The following DIO2 variants were observed in gnomAD, a reference collection of about 807,000 sequenced individuals.
DIO2 encodes the protein type II iodothyronine deiodinase.
DIO2 carries 19 observed loss-of-function variants against 21.4 expected under a neutral mutation model. The ratio of observed to expected loss-of-function variants is 0.89; its 90% CI spans 0.62 to 1.30. The LOEUF (loss-of-function observed/expected upper bound fraction) is 1.30. Ranked by LOEUF, DIO2 falls within the 50% of genes most tolerant of loss-of-function variation. The pLI, the probability that DIO2 is intolerant of heterozygous loss-of-function variation, is 0.00. For missense variants in DIO2, 302 were observed against 338.1 expected, an observed-to-expected ratio of 0.89 and a Z score of 0.84; for synonymous variants, 122 against 132.9, an observed-to-expected ratio of 0.92 and a Z score of 0.57.
intron 2 of DIO2, chr14:80,230,952 A>C (rs1594885670): frequency 6.6e-6 from 1 of 152,406 alleles, no homozygotes; most frequent in East Asian, 1.9e-4. Context: ...GAGCAAGGAC[A>C]GTCAGTCTGA....
At chr14:80,217,701 T>A (rs1359693420) in intron 2 of DIO2, among the ~76,000 whole-genome samples, 1 of 152,182 alleles carries the variant, frequency 6.6e-6, no homozygotes, top group African/African-American at 2.4e-5. Context: ...GTCAGGGGAA[T>A]TTTCTGTCAT....
upstream of DIO2, chr14:80,211,976 CAG>C (rs1291895078): frequency 2.0e-5 from 3 of 148,880 alleles, no homozygotes; most frequent in Non-Finnish European, 4.5e-5. Context: ...CTTGAATTGC[CAG>C]AGTTTTTTTT....
At chr14:80,224,271 A>G (rs1232065924) in intron 2 of DIO2, among the ~76,000 whole-genome samples, 1 of 152,164 alleles carries the variant, frequency 6.6e-6, no homozygotes, top group African/African-American at 2.4e-5. Context: ...GCAATCAACT[A>G]GTTTGTTTCG....
At chr14:80,231,052 T>G (rs1040714247) in intron 2 of DIO2, 1 of 152,078 alleles carries the variant, frequency 6.6e-6, no homozygotes, top group South Asian at 2.1e-4. Context: ...GCTAGACCAG[T>G]CTCACCTCTT....
At chr14:80,214,351 A>G (rs1888299741), upstream of DIO2, among the ~76,000 whole-genome samples, 1 of 152,234 alleles carries the variant, frequency 6.6e-6, no homozygotes, top group Non-Finnish European at 1.5e-5. Context: ...TGGCAAGCTA[A>G]GGAGAGGGAT....
At chr14:80,206,153 A>G (rs1482149957) in intron 1 of DIO2, 1 of 910,886 alleles carries the variant, frequency 1.1e-6, no homozygotes, top group East Asian at 2.7e-5. Flanking sequence ...CTTATTCATG[A>G]AGGTGCCTAG....
chr14:80,206,281 C>A, intron 1 of DIO2: 1 of 1,582,012 alleles, frequency 6.3e-7, no homozygotes, highest in Non-Finnish European at 8.6e-7. Context: ...TTATAAGCTT[C>A]ATATACTAGT....
At chr14:80,220,461 G>A (rs1888444487) in intron 2 of DIO2, among the ~76,000 whole-genome samples, 1 of 152,046 alleles carries the variant, frequency 6.6e-6, no homozygotes, top group Admixed American at 6.6e-5. Flanking sequence ...TTAAATTTTA[G>A]TTCTCCACAG....
intron 1 of DIO2, among the ~76,000 whole-genome samples, chr14:80,209,350 G>GTT (rs200502602): frequency 3.5e-5 from 5 of 144,050 alleles, no homozygotes; most frequent in African/African-American, 1.3e-4. Flanking sequence ...CTTCCAATAA[G>GTT]TTTTTTTTTT....
intron 2 of DIO2, among the ~76,000 whole-genome samples, chr14:80,227,071 G>A (rs1888591344): frequency 1.3e-5 from 2 of 152,144 alleles, no homozygotes; most frequent in Non-Finnish European, 1.5e-5. Flanking sequence ...ACTGCTCAAA[G>A]TTCTACCTAC....
At chr14:80,209,647 T>C (rs771082247) in intron 1 of DIO2, among the ~76,000 whole-genome samples, 8 of 152,250 alleles carry the variant, frequency 5.3e-5, no homozygotes, top group Non-Finnish European at 1.0e-4. Flanking sequence ...CCGTCCTCAC[T>C]GACATGCACA....
chr14:80,205,680 C>A (rs765536454), intron 1 of DIO2: 13 of 1,331,548 alleles, frequency 9.8e-6, no homozygotes, highest in Non-Finnish European at 1.3e-5. Context: ...AGAATTCTTT[C>A]CAAAACACAG....
chr14:80,229,349 T>A (rs1414223058), intron 2 of DIO2, among the ~76,000 whole-genome samples: 1 of 152,186 alleles, frequency 6.6e-6, no homozygotes, highest in Non-Finnish European at 1.5e-5. Context: ...GTGCTGCCAC[T>A]TGGCCCCTGC....
At position 80,202,202 on chromosome 14, in the gene DIO2, C is replaced by T. The variant is rs1168573779; in HGVS notation, c.*487G>A. 8.9e-6 allele frequency: 4 copies of T among 448,732 alleles called. No homozygotes were observed. The highest frequency in any genetic ancestry group is 8.0e-5 in the African/African-American group (4 of 49,866). The allele number at this position is 448,732 out of a possible 1,614,324, so 27.8% of individuals were successfully genotyped here. On this transcript the variant is annotated 3_prime_UTR_variant, in exon 2 of 2. Coordinates refer to ENST00000438257, the MANE Select transcript of DIO2 (RefSeq NM_013989.5). ...CTAACATAAGGTCTAACCTTAACAC[C>T]AACGTCTAACCACATGGCCTGGGTT...
intron 2 of DIO2, among the ~76,000 whole-genome samples, chr14:80,228,472 A>G (rs149251866): frequency 6.6e-6 from 1 of 152,170 alleles, no homozygotes; most frequent in Non-Finnish European, 1.5e-5. Context: ...CAAATGGGAG[A>G]GTTGAATGGG....
upstream of DIO2, among the ~76,000 whole-genome samples, chr14:80,214,487 T>C (rs1888303612): frequency 6.6e-6 from 1 of 152,202 alleles, no homozygotes; most frequent in Non-Finnish European, 1.5e-5. Context: ...TATTTATTTA[T>C]TGAGGTTAGA....
Position 80,202,699 on chromosome 14 carries a change from A to T in DIO2, c.812T>A (p.Leu271Ter). 1 of 1,611,706 alleles carries T rather than the reference A, an allele frequency of 6.2e-7. No homozygotes were observed. The highest frequency in any genetic ancestry group is 8.5e-7 in the Non-Finnish European group (1 of 1,178,762). ...NFSKRUKKTRLAG is the reference protein window; with the variant it reads ...NFSKRUKKTR ...CTTATAATCATACCTTTAACCAGCT[A>T]ATCTAGTTTTCTTTCATCTCTTGCT... Residue 271 changes from leucine (L) to a stop codon, truncating the protein, a stop_gained, in exon 2 of 2, where the codon TTA (leucine) becomes TAA (stop). Transcript: ENST00000438257. LOFTEE classifies it high-confidence loss of function.
chr14:80,224,496 T>TACACACATAC (rs1888530118), intron 2 of DIO2, among the ~76,000 whole-genome samples: 2 of 138,380 alleles, frequency 1.4e-5, no homozygotes, highest in Non-Finnish European at 3.1e-5. Context: ...AGAGAGATAC[T>TACACACATAC]ACACACACAC....
At chr14:80,231,052 T>A (rs1040714247) in intron 2 of DIO2, 2 of 152,078 alleles carry the variant, frequency 1.3e-5, no homozygotes, top group Non-Finnish European at 2.9e-5. Context: ...GCTAGACCAG[T>A]CTCACCTCTT....
Sources: gnomAD v4.1 joint callset for allele counts (sites outside exome capture counted in the v4.1 genomes callset) on GRCh38, gnomAD v4.1.1 for gene constraint, MANE v1.5 for transcripts, NCBI Gene and HGNC (gene_info 2026-07-23, HGNC 2026-07-21) for gene names.